TRMT61B: variants seen among roughly 807,000 people sequenced by gnomAD.
TRMT61B encodes tRNA (adenine(58)-N(1))-methyltransferase, mitochondrial.
A neutral mutation model predicts 52.0 loss-of-function variants in TRMT61B; 56 were observed. The observed-to-expected ratio is 1.08, with a 90% CI of 0.87 to 1.35. TRMT61B has a LOEUF of 1.35. Ranked by LOEUF, TRMT61B falls within the 40% of genes most tolerant of loss-of-function variation. The pLI is 0.00. For synonymous variants in TRMT61B, 206 were observed against 220.0 expected (o/e 0.94, Z 0.56); for missense variants, 650 against 577.9 (o/e 1.12, Z -1.28).
chr2:28,859,006 T>TGG (rs1669477477), intron 3 of TRMT61B, among the ~76,000 whole-genome samples: 1 of 151,286 alleles, frequency 6.6e-6, no homozygotes, highest in African/African-American at 2.4e-5. Flanking sequence ...GCGATTCTCC[T>TGG]GACTCGGCCT....
chr2:28,861,778 A>G (rs1172123602), intron 2 of TRMT61B: 1 of 152,720 alleles, frequency 6.5e-6, no homozygotes, highest in Non-Finnish European at 1.5e-5. Context: ...TCAAGCCAGT[A>G]TATCTCTACA....
intron 1 of TRMT61B, among the ~76,000 whole-genome samples, chr2:28,866,671 T>C (rs1168172693): frequency 1.3e-5 from 2 of 152,040 alleles, no homozygotes; most frequent in African/African-American, 4.8e-5. Flanking sequence ...GGAGCCCTGC[T>C]ATATAAGAAA....
At position 28,854,663 on chromosome 2, in the gene TRMT61B, C is replaced by T. The variant is rs139400067; in HGVS notation, c.994-2164G>A. Among the ~76,000 whole-genome samples, 5 of 147,776 alleles carry T rather than the reference C, an allele frequency of 3.4e-5. No individual in the cohort carries two copies. The East Asian group carries it at 6.0e-4, about 18-fold the overall frequency. On this transcript the variant is annotated intron_variant, in intron 3 of 6. Transcript: ENST00000306108. ...GCTGAGGCAGGAGAATAGCTTGAAC[C>T]CAGGAGGCGGAGTTGCAGTGAGCAG...
chr2:28,863,007 G>T (rs910949966), intron 2 of TRMT61B, among the ~76,000 whole-genome samples: 1 of 151,938 alleles, frequency 6.6e-6, no homozygotes, highest in African/African-American at 2.4e-5. Context: ...TATCTGAAGT[G>T]ATTTGATACC....
chr2:28,849,837 T>C lies in TRMT61B; in HGVS notation c.*362A>G. On this transcript the variant is annotated 3_prime_UTR_variant, in exon 7 of 7. Coordinates refer to ENST00000306108, the MANE Select transcript of TRMT61B (RefSeq NM_017910.4). ...TACATAAAATTTATCTTAAAATGCA[T>C]ATTTTATTTCAGTAGTCAATGACCA... The C allele has an allele frequency of 7.0e-7, 1 of 1,421,682 alleles. No homozygotes were observed. The highest frequency in any genetic ancestry group is 2.3e-5 in the East Asian group (1 of 43,102). 88.1% of individuals were successfully genotyped at this position (1,421,682 alleles called of 1,614,324 possible).
rs78973099 is a variant in TRMT61B, at chr2:28,869,090, G to T, written c.699+489C>A. 7.3e-3 allele frequency among the ~76,000 whole-genome samples: 1,106 copies of T among 152,284 alleles called. 8 individuals carry two copies. Among genetic ancestry groups the T allele is most frequent in the African/African-American group, 0.021 (874 of 41,570 alleles). On this transcript the variant is annotated intron_variant, in intron 1 of 6. Coordinates refer to ENST00000306108, the MANE Select transcript of TRMT61B (RefSeq NM_017910.4). ...TGTTTGGTGTTGAATGTTAGCTATT[G>T]TAATATAAAACTCTATTTCTTCCCT...
intron 1 of TRMT61B, 51 bp from the exon 2 acceptor site, chr2:28,865,170 A>G (rs1669783665): frequency 9.7e-7 from 1 of 1,029,204 alleles, no homozygotes; most frequent in East Asian, 2.5e-5. Flanking sequence ...ATATGTACTA[A>G]GCACCTAGTC....
chr2:28,862,396 A>G (rs1443630685), intron 2 of TRMT61B, among the ~76,000 whole-genome samples: 4 of 141,214 alleles, frequency 2.8e-5, no homozygotes, highest in African/African-American at 1.1e-4. Flanking sequence ...GCGGTGGTGC[A>G]ATCACAGCTC....
At chr2:28,850,461 C>T (rs1669033366) in intron 5 of TRMT61B, 56 bp from the exon 6 acceptor site, 1 of 1,186,242 alleles carries the variant, frequency 8.4e-7, no homozygotes, top group African/African-American at 1.6e-5. Context: ...CTATTTTTTT[C>T]ACAAAACTGT....
chr2:28,864,389 G>A (rs929494171), intron 2 of TRMT61B, among the ~76,000 whole-genome samples: 1 of 151,996 alleles, frequency 6.6e-6, no homozygotes, highest in Non-Finnish European at 1.5e-5. Flanking sequence ...TAGGTAAATT[G>A]TGATTTAAAT....
intron 3 of TRMT61B, among the ~76,000 whole-genome samples, chr2:28,852,922 A>C (rs1281191873): frequency 6.6e-6 from 1 of 152,142 alleles, no homozygotes; most frequent in African/African-American, 2.4e-5. Flanking sequence ...CTGTGCCATC[A>C]TACTCCACCC....
At chr2:28,850,283 T>C in intron 6 of TRMT61B, 41 bp from the exon 7 acceptor site, 1 of 1,602,534 alleles carries the variant, frequency 6.2e-7, no homozygotes, top group Non-Finnish European at 8.5e-7. Context: ...TTATATTAAT[T>C]AAAAGAAAAA....
chr2:28,860,272 CAAAAAAAAA>C (rs540569211), intron 3 of TRMT61B, among the ~76,000 whole-genome samples: 23 of 24,490 alleles, frequency 9.4e-4, no homozygotes, highest in South Asian at 4.7e-3. Flanking sequence ...ACTCTGTTGC[CAAAAAAAAA>C]AAAAAAAAAA....
At chr2:28,858,284 C>T (rs1321614450) in intron 3 of TRMT61B, among the ~76,000 whole-genome samples, 2 of 152,034 alleles carry the variant, frequency 1.3e-5, no homozygotes, top group African/African-American at 4.8e-5. Context: ...TTGTGATCTG[C>T]CCGCCTCGGC....
At position 28,851,509 on chromosome 2, in the gene TRMT61B, T is replaced by G. The variant is rs1040834067; in HGVS notation, c.1086-211A>C. On this transcript the variant is annotated intron_variant, in intron 4 of 6. Coordinates refer to ENST00000306108, the MANE Select transcript of TRMT61B (RefSeq NM_017910.4). Reference sequence around the variant, plus strand: ...CATAATTTAACATTACTGTTCACATTATACTTTTAAAACATTTCTTCCAGA... The same window carrying G: ...CATAATTTAACATTACTGTTCACATGATACTTTTAAAACATTTCTTCCAGA... 4.6e-5 allele frequency among the ~76,000 whole-genome samples: 7 copies of G among 152,248 alleles called. No homozygotes were observed. In the East Asian group the frequency reaches 1.3e-3, roughly 29 times the overall value.
intron 3 of TRMT61B, 79 bp from the exon 4 acceptor site, chr2:28,852,578 A>G (rs1669168840): frequency 3.2e-6 from 3 of 946,382 alleles, no homozygotes; most frequent in Non-Finnish European, 4.9e-6. Flanking sequence ...TGGTGAAATG[A>G]CACACTTTTG....
chr2:28,868,865 G>A (rs1010458949), intron 1 of TRMT61B, among the ~76,000 whole-genome samples: 1 of 152,170 alleles, frequency 6.6e-6, no homozygotes, highest in African/African-American at 2.4e-5. Context: ...TTAGCCCGGG[G>A]TGGTGGTGCA....
intron 1 of TRMT61B, among the ~76,000 whole-genome samples, chr2:28,865,714 C>CTTG (rs1342898049): frequency 1.7e-5 from 2 of 116,936 alleles, no homozygotes; most frequent in Non-Finnish European, 3.3e-5. Flanking sequence ...AAGTCTCACT[C>CTTG]TTGTCCCCCA....
At position 28,850,329 on chromosome 2, in the gene TRMT61B, T is replaced by A. The variant is rs1252989666; in HGVS notation, c.1389A>T (p.Thr463=). The change falls in exon 6 of 7, where the codon ACA becomes ACT. Residue 463 remains threonine (T), a splice_region_variant and synonymous_variant. Coordinates refer to ENST00000306108, the MANE Select transcript of TRMT61B (RefSeq NM_017910.4). ...ATATGTTCTGAAAACATTACTCACC[T>A]GTATGACCAGGTTGCCAGTGTACTG... is the stretch of plus-strand genomic sequence containing the variant. The part of the protein sequence containing the change: ...ARPVHWQPGH[T]AFLVKLRKVK... 6.2e-7 allele frequency: 1 copy of A among 1,608,770 alleles called. No homozygotes were observed. The highest frequency in any genetic ancestry group is 8.5e-7 in the Non-Finnish European group (1 of 1,176,488).
Sources: allele counts gnomAD v4.1 joint callset (sites outside exome capture counted in the v4.1 genomes callset), GRCh38; gene constraint gnomAD v4.1.1; transcripts MANE v1.5; gene names NCBI Gene and HGNC (gene_info 2026-07-23, HGNC 2026-07-21).